The following CSMD1 variants were observed in gnomAD, a reference collection of about 807,000 sequenced individuals.
CSMD1 encodes CUB and Sushi multiple domains 1.
In CSMD1, 213 loss-of-function variants were observed where a neutral mutation model predicts 417.5. The ratio of observed to expected loss-of-function variants is 0.51; its 90% CI spans 0.46 to 0.57. CSMD1 has a LOEUF of 0.57. Among genes scored for constraint, CSMD1 ranks in the 20% least tolerant of loss-of-function variants. The pLI, the probability that CSMD1 is intolerant of heterozygous loss-of-function variation, is 0.00. For synonymous variants in CSMD1, 2,862 were observed against 1,736.8 expected (o/e 1.65, Z -16.11); for missense variants, 6,923 against 4,529.7 (o/e 1.53, Z -15.17).
chr8:3,346,159 T>C (rs1054051868), intron 22 of CSMD1, among the ~76,000 whole-genome samples: 2 of 152,234 alleles, frequency 1.3e-5, no homozygotes, highest in East Asian at 1.9e-4. Context: ...GTGTAGGTAT[T>C]TTATATGACT....
intron 5 of CSMD1, among the ~76,000 whole-genome samples, chr8:3,787,419 T>A (rs1382552937): frequency 6.6e-6 from 1 of 152,180 alleles, no homozygotes; most frequent in Non-Finnish European, 1.5e-5. Context: ...GGGAAATTCA[T>A]GAATTTCAAT....
At chr8:4,123,234 C>G (rs1326954254) in intron 3 of CSMD1, among the ~76,000 whole-genome samples, 1 of 152,160 alleles carries the variant, frequency 6.6e-6, no homozygotes, top group Non-Finnish European at 1.5e-5. Flanking sequence ...CAGTTAATGA[C>G]AGAAACATGT....
intron 42 of CSMD1, among the ~76,000 whole-genome samples, chr8:3,111,133 T>TGAACCTC (rs1816489236): frequency 6.6e-6 from 1 of 152,158 alleles, no homozygotes; most frequent in South Asian, 2.1e-4. Context: ...ACAACTCTCT[T>TGAACCTC]GAACCTCGAA....
At position 4,543,725 on chromosome 8, in the gene CSMD1, G is replaced by GTT. The variant is rs1797510099; in HGVS notation, c.302+93616_302+93617insAA. Among the ~76,000 whole-genome samples the GTT allele has an allele frequency of 3.5e-5, 5 of 143,978 alleles. No homozygotes were observed. In the Admixed American group the frequency reaches 3.6e-4, roughly 10 times the overall value. 94.5% of individuals were successfully genotyped at this position (143,978 alleles called of 152,430 possible). On this transcript the variant is annotated intron_variant, in intron 2 of 69. Transcript: ENST00000635120. ...ACCCACACCAAAGTGTCTTCCAAACGGGCTGTACCATTTTGCATTCCCACC... is the reference window on the plus strand; with the variant it reads ...ACCCACACCAAAGTGTCTTCCAAACGTTGGCTGTACCATTTTGCATTCCCACC...
chr8:3,927,847 T>C (rs1245124542), intron 5 of CSMD1, among the ~76,000 whole-genome samples: 7 of 152,190 alleles, frequency 4.6e-5, no homozygotes, highest in Non-Finnish European at 4.4e-5. Context: ...TGGCAGATAC[T>C]TTTTTATAAA....
chr8:4,735,929 C>T (rs1468155290), intron 1 of CSMD1, among the ~76,000 whole-genome samples: 1 of 152,108 alleles, frequency 6.6e-6, no homozygotes, highest in Non-Finnish European at 1.5e-5. Flanking sequence ...AATAAGTAGC[C>T]ACCGGTTGCA....
At chr8:4,049,041 C>T (rs1397102742) in intron 3 of CSMD1, among the ~76,000 whole-genome samples, 2 of 152,166 alleles carry the variant, frequency 1.3e-5, no homozygotes, top group Non-Finnish European at 2.9e-5. Context: ...CCACCCATCT[C>T]AACAACTCTC....
intron 1 of CSMD1, among the ~76,000 whole-genome samples, chr8:4,703,527 G>A (rs747052498): frequency 6.6e-6 from 1 of 152,094 alleles, no homozygotes. Flanking sequence ...AATTGATACA[G>A]TTTTTATCAA....
intron 2 of CSMD1, among the ~76,000 whole-genome samples, chr8:4,603,984 T>G (rs1038851787): frequency 2.6e-5 from 4 of 152,164 alleles, no homozygotes; most frequent in African/African-American, 9.6e-5. Context: ...ATTGACATGT[T>G]ATAATCTATT....
chr8:2,974,347 T>C, intron 56 of CSMD1, 104 bp downstream of exon 56: 1 of 1,119,470 alleles, frequency 8.9e-7, no homozygotes, highest in East Asian at 2.6e-5. Flanking sequence ...AAATGCATAA[T>C]TATAGGGCTT....
intron 1 of CSMD1, among the ~76,000 whole-genome samples, chr8:4,810,148 T>G (rs537685124): frequency 6.6e-6 from 1 of 152,222 alleles, no homozygotes; most frequent in Non-Finnish European, 1.5e-5. Context: ...CCATTTTATA[T>G]AATTCTAAAA....
At chr8:3,822,849 T>C (rs1016352323) in intron 5 of CSMD1, among the ~76,000 whole-genome samples, 29 of 152,164 alleles carry the variant, frequency 1.9e-4, no homozygotes, top group African/African-American at 6.8e-4. Flanking sequence ...AAATGAGCTA[T>C]GCATGTGGTA....
At chr8:3,248,272 C>G (rs887239403) in intron 26 of CSMD1, among the ~76,000 whole-genome samples, 1 of 152,132 alleles carries the variant, frequency 6.6e-6, no homozygotes, top group Admixed American at 6.5e-5. Flanking sequence ...GGTGATGACA[C>G]GTTCAGCCTT....
chr8:4,262,888 C>G (rs149966922), intron 3 of CSMD1, among the ~76,000 whole-genome samples: 1 of 152,190 alleles, frequency 6.6e-6, no homozygotes, highest in South Asian at 2.1e-4. Flanking sequence ...CAACTCAAAA[C>G]TGCCATCACA....
chr8:3,754,470 T>TTATG (rs1182852764), intron 5 of CSMD1, among the ~76,000 whole-genome samples: 2 of 151,264 alleles, frequency 1.3e-5, no homozygotes. Flanking sequence ...ATTTATTTAT[T>TTATG]TTGAGACGGA....
intron 54 of CSMD1, among the ~76,000 whole-genome samples, chr8:2,983,015 G>A (rs773274432): frequency 6.6e-6 from 1 of 152,068 alleles, no homozygotes; most frequent in Non-Finnish European, 1.5e-5. Flanking sequence ...TAACTTTGCA[G>A]GATTCGTATC....
intron 2 of CSMD1, among the ~76,000 whole-genome samples, chr8:4,579,351 C>CAT (rs1799301600): frequency 6.6e-6 from 1 of 150,846 alleles, no homozygotes; most frequent in African/African-American, 2.4e-5. Context: ...TATACACACA[C>CAT]GTGTGTGTGT....
At position 4,694,245 on chromosome 8, in the gene CSMD1, A is replaced by C. The variant is rs1189684320; in HGVS notation, c.86-56687T>G. On this transcript the variant is annotated intron_variant, in intron 1 of 69. Transcript: ENST00000635120. The stretch of plus-strand genomic sequence containing the variant: ...AAAAGACTAATCAGAAACTCAAAAG[A>C]ATGTAACAGCTTGTCTCCTATCTAC... Among the ~76,000 whole-genome samples the C allele has an allele frequency of 6.6e-5, 10 of 152,178 alleles. 1 individual carries two copies. The highest frequency in any genetic ancestry group is 2.0e-4 in the Admixed American group (3 of 15,278).
chr8:4,543,965 T>A (rs1238284551), intron 2 of CSMD1, among the ~76,000 whole-genome samples: 1 of 152,204 alleles, frequency 6.6e-6, no homozygotes, highest in African/African-American at 2.4e-5. Context: ...CTTTAGCCCA[T>A]TTATTAGGTT....
Sources: gnomAD v4.1 joint callset for allele counts (sites outside exome capture counted in the v4.1 genomes callset) on GRCh38, gnomAD v4.1.1 for gene constraint, MANE v1.5 for transcripts, NCBI Gene and HGNC (gene_info 2026-07-23, HGNC 2026-07-21) for gene names.